The following NUP98 variants were observed in gnomAD, a reference collection of about 807,000 sequenced individuals.
NUP98 encodes the protein nuclear pore complex protein Nup98-Nup96.
NUP98 carries 26 observed loss-of-function variants against 191.9 expected under a neutral mutation model. The observed-to-expected ratio is 0.14, with a 90% confidence interval of 0.10 to 0.19. The LOEUF (loss-of-function observed/expected upper bound fraction) is 0.19. NUP98 is among the 10% of genes least tolerant of loss of function. The pLI, the probability that NUP98 is intolerant of heterozygous loss-of-function variation, is 1.00. For missense variants in NUP98, 1,941 were observed against 2,178.8 expected (o/e 0.89, Z 2.17); for synonymous variants, 808 against 778.4 (o/e 1.04, Z -0.63).
chr11:3,679,576 T>C lies in NUP98; in HGVS notation c.5051A>G (p.Glu1684Gly), dbSNP rs1304074112. The C allele has an allele frequency of 6.2e-7, 1 of 1,614,190 alleles. No homozygotes were observed. The highest frequency in any genetic ancestry group is 1.3e-5 in the African/African-American group (1 of 75,054). ...TACCTGCTGTATATGGCGGAGCATT[T>C]CAATGACTCTAATATAGTCCAGGTA... ...LVYLDYIRVI[E>G]MLRHIQQVDC... Residue 1684 changes from glutamate (E) to glycine (G), a missense_variant, in exon 31 of 33, where the codon GAA becomes GGA. Glu to Gly is a moderately conservative substitution (Grantham distance 98, BLOSUM62 -2). This residue lies in a region of NUP98 where 1,030 missense variants were observed against 1,115.8 expected (regional missense o/e 0.92). Coordinates refer to ENST00000324932, the MANE Select transcript of NUP98 (RefSeq NM_016320.5).
intron 25 of NUP98, among the ~76,000 whole-genome samples, chr11:3,698,161 A>G (rs2134090881): frequency 6.6e-6 from 1 of 152,356 alleles, no homozygotes; most frequent in South Asian, 2.1e-4. Context: ...GTAATGTGCC[A>G]CATGAAAAGA....
In NUP98 at chr11:3,688,359, T is replaced by A. The variant is rs534423130; in HGVS notation, c.4455-2165A>T. On this transcript the variant is annotated intron_variant, in intron 28 of 32. Transcript: ENST00000324932. ...AGGCAGAGCTTGCAGTGAGCCTAGT[T>A]CGCGCCACTGCACTCCAGCCTGGGC... Among the ~76,000 whole-genome samples, 6 of 152,116 alleles carry A rather than the reference T, an allele frequency of 3.9e-5. No homozygotes were observed. The East Asian group carries it at 1.2e-3, about 29-fold the overall frequency.
chr11:3,792,795 G>C (rs974717561), intron 1 of NUP98, among the ~76,000 whole-genome samples: 1 of 152,138 alleles, frequency 6.6e-6, no homozygotes, highest in Non-Finnish European at 1.5e-5. Flanking sequence ...CAATGACACA[G>C]TTTCAGATTC....
intron 13 of NUP98, among the ~76,000 whole-genome samples, chr11:3,734,070 T>C (rs1296396706): frequency 3.9e-5 from 6 of 151,906 alleles, no homozygotes; most frequent in South Asian, 2.1e-4. Context: ...AGTTTCGCTC[T>C]TGTTGCCCAG....
At chr11:3,781,513 A>C (rs1007668068) in intron 2 of NUP98, 9 of 150,220 alleles carry the variant, frequency 6.0e-5, no homozygotes, top group South Asian at 2.1e-4. Flanking sequence ...AAAAAAAAAA[A>C]AAAACCCCTC....
At chr11:3,782,228 C>G in intron 1 of NUP98, 83 bp from the exon 2 acceptor site, 2 of 727,298 alleles carry the variant, frequency 2.7e-6, no homozygotes, top group Non-Finnish European at 4.6e-6. Context: ...ATTCCACAAA[C>G]TTAGGCCTAT....
At chr11:3,785,593 T>C (rs2133964212) in intron 1 of NUP98, among the ~76,000 whole-genome samples, 1 of 152,270 alleles carries the variant, frequency 6.6e-6, no homozygotes, top group African/African-American at 2.4e-5. Context: ...ACCCCGCCTC[T>C]ACTAAAAAAA....
chr11:3,729,150 G>C (rs941757039), intron 14 of NUP98, among the ~76,000 whole-genome samples: 1 of 152,078 alleles, frequency 6.6e-6, no homozygotes, highest in Non-Finnish European at 1.5e-5. Flanking sequence ...AAAAATTTGG[G>C]AATCATCAGA....
intron 20 of NUP98, among the ~76,000 whole-genome samples, chr11:3,710,647 T>C (rs537432752): frequency 6.0e-4 from 91 of 152,336 alleles, no homozygotes; most frequent in African/African-American, 2.1e-3. Flanking sequence ...CTATTTCCAG[T>C]ATACTCAAAC....
rs61756127 is a variant in NUP98 at position 3,676,560 on chromosome 11, G to A, written c.5134C>T (p.Arg1712Trp). Residue 1712 changes from arginine to tryptophan, a missense_variant, in exon 32 of 33, where the codon CGG becomes TGG. Arg to Trp is a moderately radical substitution (Grantham distance 101). Transcript: ENST00000324932. The stretch of plus-strand genomic sequence containing the variant: ...CTGTAACACTGAATCTGCTCTATCC[G>A]ACTGCACAGTGAAGTCACTTTGATG... ...LHIKVTSLCS[R>W]IEQIQCYSAK... The A allele has an allele frequency of 6.3e-5, 101 of 1,614,052 alleles. No homozygotes were observed. The highest frequency in any genetic ancestry group is 3.6e-4 in the South Asian group (33 of 91,078).
At chr11:3,753,101 T>A (rs930697436) in intron 11 of NUP98, among the ~76,000 whole-genome samples, 3 of 152,232 alleles carry the variant, frequency 2.0e-5, no homozygotes, top group African/African-American at 7.2e-5. Flanking sequence ...GAGGACATTT[T>A]GTAGAAAAGG....
At chr11:3,774,335 C>T (rs146196822) in intron 5 of NUP98, among the ~76,000 whole-genome samples, 1,829 of 152,332 alleles carry the variant, frequency 0.012, 11 homozygotes, top group Non-Finnish European at 0.019. Context: ...TCGCTTGAAT[C>T]CGAGAAGCGG....
At chr11:3,751,439 C>T (rs760994688) in intron 11 of NUP98, among the ~76,000 whole-genome samples, 12 of 151,960 alleles carry the variant, frequency 7.9e-5, no homozygotes, top group African/African-American at 1.2e-4. Context: ...TAAACATGTC[C>T]GAAAAATGCA....
At chr11:3,713,172 G>T (rs1032422133) in intron 19 of NUP98, among the ~76,000 whole-genome samples, 5 of 152,176 alleles carry the variant, frequency 3.3e-5, no homozygotes, top group Admixed American at 1.3e-4. Context: ...TTAAAAGTAA[G>T]AATGACAATT....
At chr11:3,697,512 CTTATCAAGACT>C (rs2078545885) in intron 25 of NUP98, among the ~76,000 whole-genome samples, 1 of 152,026 alleles carries the variant, frequency 6.6e-6, no homozygotes, top group African/African-American at 2.4e-5. Flanking sequence ...ATCCTGTATT[CTTATCAAGACT>C]TTATGGCCAG....
intron 14 of NUP98, among the ~76,000 whole-genome samples, chr11:3,729,715 CAAAAAAAAAAAAAAAA>C (rs755816362): frequency 0.029 from 1,102 of 37,430 alleles, 53 homozygotes; most frequent in Non-Finnish European, 0.036. Flanking sequence ...ACTCTTGCCT[CAAAAAAAAAAAAAAAA>C]AAAAAAAAAA....
chr11:3,702,521 G>A lies in NUP98; in HGVS notation c.3454C>T (p.His1152Tyr), dbSNP rs1195727015. 1 of 1,613,942 alleles carries A rather than the reference G, an allele frequency of 6.2e-7. No individual in the cohort carries two copies. Among genetic ancestry groups the A allele is most frequent in the African/African-American group, 1.3e-5 (1 of 74,876 alleles). ...QLNGSHELEN[H>Y]QIADSMEFGF... Reference sequence around the variant, plus strand: ...AACTCCATGGAATCGGCAATCTGATGATTTTCTAGTTCATGAGAGCCATTC... The same window carrying A: ...AACTCCATGGAATCGGCAATCTGATAATTTTCTAGTTCATGAGAGCCATTC... The change falls in exon 23 of 33, where the codon CAT (histidine) becomes TAT (tyrosine). Residue 1152 changes from histidine to tyrosine, a missense_variant. By Grantham distance (83) the His-to-Tyr change is moderately conservative. Transcript: ENST00000324932.
At chr11:3,758,320 CAA>C (rs113339582) in intron 10 of NUP98, among the ~76,000 whole-genome samples, 13 of 97,230 alleles carry the variant, frequency 1.3e-4, no homozygotes, top group African/African-American at 2.3e-4. Context: ...GACTCCGTCT[CAA>C]AAAAAAAAAA....
chr11:3,785,092 C>G (rs999091797), intron 1 of NUP98, among the ~76,000 whole-genome samples: 1 of 150,326 alleles, frequency 6.7e-6, no homozygotes, highest in Non-Finnish European at 1.5e-5. Flanking sequence ...GAGCTGAGAT[C>G]GTGCCACTGC....
Sources: gnomAD v4.1 joint callset for allele counts (sites outside exome capture counted in the v4.1 genomes callset) on GRCh38, gnomAD v4.1.1 for gene constraint, gnomAD v4.1.1 regional missense constraint, MANE v1.5 for transcripts, NCBI Gene and HGNC (gene_info 2026-07-23, HGNC 2026-07-21) for gene names.